Variants in CUL1 observed in about 807,000 individuals in gnomAD.
CUL1 encodes cullin-1.
Under a neutral mutation model 118.0 loss-of-function variants are expected in CUL1, and 24 were observed. That is an observed-to-expected ratio of 0.20 (90% confidence interval 0.15 to 0.29). The LOEUF is 0.29. Among genes scored for constraint, CUL1 ranks in the 10% least tolerant of loss-of-function variants. The probability of loss-of-function intolerance (pLI) is 1.00; values close to 1 mark genes in which losing one functional copy is unlikely to be tolerated. For synonymous variants in CUL1, 332 were observed against 340.4 expected, an observed-to-expected ratio of 0.98 and a Z score of 0.27; for missense variants, 361 against 933.8, an observed-to-expected ratio of 0.39 and a Z score of 7.99.
chr7:148,742,316 C>CA (rs1233190780), intron 2 of CUL1, among the ~76,000 whole-genome samples: 1 of 152,084 alleles, frequency 6.6e-6, no homozygotes, highest in East Asian at 1.9e-4. Context: ...TGGTAGAAGG[C>CA]AAAGGAGAAG....
intron 1 of CUL1, among the ~76,000 whole-genome samples, chr7:148,714,770 T>G (rs1798161250): frequency 6.6e-6 from 1 of 152,212 alleles, no homozygotes; most frequent in African/African-American, 2.4e-5. Context: ...ATGGTCGTCT[T>G]TATACCAGAC....
In CUL1 at chr7:148,797,550, A is replaced by G. The variant is rs187669997; in HGVS notation, c.1900-262A>G. 1.1e-3 allele frequency among the ~76,000 whole-genome samples: 166 copies of G among 152,246 alleles called. 1 individual carries two copies. The highest frequency in any genetic ancestry group is 0.01 in the Admixed American group (154 of 15,292). On this transcript the variant is annotated intron_variant, in intron 17 of 21. Coordinates refer to ENST00000325222, the MANE Select transcript of CUL1 (RefSeq NM_003592.3). ...GGGTTACTCAACCTGATTTAAGTAT[A>G]ACAGAATTGTTCATTTCTATTATTG...
At position 148,729,980 on chromosome 7, in the gene CUL1, T is replaced by C; in HGVS notation, c.-143T>C. 2.1e-6 allele frequency: 2 copies of C among 949,374 alleles called. No homozygotes were observed. The highest frequency in any genetic ancestry group is 3.1e-6 in the Non-Finnish European group (2 of 648,134). The allele number at this position is 949,374 out of a possible 1,614,324, so 58.8% of individuals were successfully genotyped here. ...TCCTCAGGTTTGCCTGCAATGAGAT[T>C]TCATTCTCTACATTTAAAGGACATC... On this transcript the variant is annotated 5_prime_UTR_variant, in exon 2 of 22. Coordinates refer to ENST00000325222, the MANE Select transcript of CUL1 (RefSeq NM_003592.3).
At chr7:148,791,889 C>T (rs564313998) in intron 16 of CUL1, among the ~76,000 whole-genome samples, 1 of 152,196 alleles carries the variant, frequency 6.6e-6, no homozygotes. Flanking sequence ...TGCTACCTGT[C>T]TTTTAGAAGA....
In CUL1 at chr7:148,722,594, C is replaced by G. The variant is rs555216129; in HGVS notation, c.-161-7368C>G. Among the ~76,000 whole-genome samples, 12 of 152,230 alleles carry G rather than the reference C, an allele frequency of 7.9e-5. No individual in the cohort carries two copies. The South Asian group carries it at 1.4e-3, about 18-fold the overall frequency. The stretch of plus-strand genomic sequence containing the variant: ...GACCCAGAGAAAGACTCTGGAGTTC[C>G]TCTCTGCACTAGCCATTTCTATCCC... On this transcript the variant is annotated intron_variant, in intron 1 of 21. Coordinates refer to ENST00000325222, the MANE Select transcript of CUL1 (RefSeq NM_003592.3).
intron 4 of CUL1, 45 bp downstream of exon 4, chr7:148,757,195 G>GT (rs748644058): frequency 1.3e-3 from 1,630 of 1,302,588 alleles, no homozygotes; most frequent in South Asian, 2.2e-3. Context: ...TTTTGTTTTT[G>GT]TTTTTTTTAA....
chr7:148,703,013 CTT>C (rs1797766543), intron 1 of CUL1, among the ~76,000 whole-genome samples: 1 of 152,148 alleles, frequency 6.6e-6, no homozygotes, highest in Admixed American at 6.5e-5. Flanking sequence ...GGAGCTGAGA[CTT>C]TGAGTGGTGC....
chr7:148,723,145 C>T (rs868582722), intron 1 of CUL1, among the ~76,000 whole-genome samples: 1 of 152,264 alleles, frequency 6.6e-6, no homozygotes, highest in Non-Finnish European at 1.5e-5. Context: ...CTTTTCTTCT[C>T]TTGGCTTCCA....
chr7:148,714,321 A>T (rs906365244), intron 1 of CUL1, among the ~76,000 whole-genome samples: 1 of 152,204 alleles, frequency 6.6e-6, no homozygotes, highest in African/African-American at 2.4e-5. Context: ...AACTTTTAAG[A>T]TGTACTATAA....
Position 148,790,452 on chromosome 7 carries a change from A to G in CUL1, c.1806+11A>G. 6.2e-7 allele frequency: 1 copy of G among 1,604,782 alleles called. No homozygotes were observed. The highest frequency in any genetic ancestry group is 8.5e-7 in the Non-Finnish European group (1 of 1,174,994). ...AGATATACTTTGCAGGTAAGATCACATTTTTATCTTAAAATTTTTCTATTC... is the reference window on the plus strand; with the variant it reads ...AGATATACTTTGCAGGTAAGATCACGTTTTTATCTTAAAATTTTTCTATTC... On this transcript the variant is annotated intron_variant, in intron 16 of 21. Transcript: ENST00000325222.
chr7:148,796,958 C>A (rs1801221267), intron 17 of CUL1, among the ~76,000 whole-genome samples: 1 of 152,186 alleles, frequency 6.6e-6, no homozygotes. Flanking sequence ...ATTATGACGA[C>A]AGGACTCCAC....
At chr7:148,773,871 A>T (rs954659574) in intron 9 of CUL1, among the ~76,000 whole-genome samples, 1 of 152,128 alleles carries the variant, frequency 6.6e-6, no homozygotes, top group African/African-American at 2.4e-5. Flanking sequence ...TTTATGTGAC[A>T]CTGCTTTATG....
chr7:148,711,366 G>A (rs1798044180), intron 1 of CUL1, among the ~76,000 whole-genome samples: 1 of 152,180 alleles, frequency 6.6e-6, no homozygotes, highest in South Asian at 2.1e-4. Context: ...GGAACCACAG[G>A]TGCGGTGGGT....
At chr7:148,714,931 G>A (rs1470660186) in intron 1 of CUL1, among the ~76,000 whole-genome samples, 2 of 152,114 alleles carry the variant, frequency 1.3e-5, no homozygotes, top group Non-Finnish European at 2.9e-5. Context: ...TGTCCCTCAG[G>A]ATGGAATGTG....
chr7:148,799,181 G>GTACT, intron 20 of CUL1, 94 bp from the exon 21 acceptor site: 1 of 844,484 alleles, frequency 1.2e-6, no homozygotes, highest in Non-Finnish European at 1.9e-6. Flanking sequence ...CCTGTGCATA[G>GTACT]GCGTCGGCAG....
intron 1 of CUL1, among the ~76,000 whole-genome samples, chr7:148,720,535 G>A (rs1394631347): frequency 6.6e-6 from 1 of 152,118 alleles, no homozygotes; most frequent in Non-Finnish European, 1.5e-5. Flanking sequence ...GAGGGAATGG[G>A]GAGGAAAAGT....
At chr7:148,789,563 G>A (rs1019446260) in intron 14 of CUL1, among the ~76,000 whole-genome samples, 187 bp from the exon 15 acceptor site, 1 of 152,132 alleles carries the variant, frequency 6.6e-6, no homozygotes, top group African/African-American at 2.4e-5. Context: ...TCTGGCTCTT[G>A]CACTTTTTGC....
intron 2 of CUL1, among the ~76,000 whole-genome samples, chr7:148,746,364 A>C (rs2129460094): frequency 6.6e-6 from 1 of 151,648 alleles, no homozygotes. Context: ...ATCAGTGCAC[A>C]CTTGCGTGCA....
intron 1 of CUL1, among the ~76,000 whole-genome samples, chr7:148,713,725 TTATA>T (rs902065136): frequency 2.0e-5 from 3 of 152,104 alleles, no homozygotes; most frequent in African/African-American, 2.4e-5. Flanking sequence ...GTATTTTATA[TTATA>T]TATATATTTT....
Sources: gnomAD v4.1 joint callset for allele counts (sites outside exome capture counted in the v4.1 genomes callset) on GRCh38, gnomAD v4.1.1 for gene constraint, MANE v1.5 for transcripts, NCBI Gene and HGNC (gene_info 2026-07-23, HGNC 2026-07-21) for gene names.